The following TTC21B variants were observed in gnomAD, a reference collection of about 807,000 sequenced individuals.
TTC21B encodes the protein tetratricopeptide repeat domain 21B.
TTC21B carries 127 observed loss-of-function variants against 175.1 expected under a neutral mutation model. The ratio of observed to expected loss-of-function variants is 0.73; its 90% confidence interval spans 0.63 to 0.84. The LOEUF (loss-of-function observed/expected upper bound fraction) is 0.84, where lower values mean the gene tolerates loss of function less well. Among genes scored for constraint, TTC21B ranks in the 40% least tolerant of loss-of-function variants. The probability of loss-of-function intolerance (pLI) is 0.00; values close to 1 mark genes in which losing one functional copy is unlikely to be tolerated. For missense variants in TTC21B, 1,561 were observed against 1,558.3 expected, an observed-to-expected ratio of 1.00 and a Z score of -0.03; for synonymous variants, 524 against 524.5, an observed-to-expected ratio of 1.00 and a Z score of 0.01.
At chr2:165,946,763 A>G (rs933292057) in intron 3 of TTC21B, among the ~76,000 whole-genome samples, 1 of 151,894 alleles carries the variant, frequency 6.6e-6, no homozygotes, top group African/African-American at 2.4e-5. Flanking sequence ...GCTTGAACCC[A>G]GGAGGCAGAG....
chr2:165,928,518 C>T (rs35476054), intron 11 of TTC21B, among the ~76,000 whole-genome samples: 25,109 of 151,950 alleles, frequency 0.17, 2,559 homozygotes, highest in Non-Finnish European at 0.22. Flanking sequence ...GATTCACACA[C>T]AGAATTCTCA....
intron 12 of TTC21B, among the ~76,000 whole-genome samples, chr2:165,921,067 A>G (rs1268332663): frequency 6.6e-6 from 1 of 152,056 alleles, no homozygotes; most frequent in Non-Finnish European, 1.5e-5. Flanking sequence ...TTCATTATGG[A>G]CCCTGATAGT....
chr2:165,922,657 CTT>C (rs1686458871), intron 12 of TTC21B, among the ~76,000 whole-genome samples: 1 of 150,550 alleles, frequency 6.6e-6, no homozygotes, highest in African/African-American at 2.4e-5. Context: ...AGTACAACCT[CTT>C]TGGAAAATAG....
chr2:165,932,500 G>C (rs75282580), intron 7 of TTC21B, among the ~76,000 whole-genome samples: 1 of 152,092 alleles, frequency 6.6e-6, no homozygotes, highest in Admixed American at 6.6e-5. Flanking sequence ...TACAGTCAAT[G>C]TGTTCACTAC....
chr2:165,874,016 A>C lies in TTC21B; in HGVS notation c.*739T>G, dbSNP rs1462405044. 1 of 152,036 alleles carries C rather than the reference A, an allele frequency of 6.6e-6. No homozygotes were observed. The highest frequency in any genetic ancestry group is 1.5e-5 in the Non-Finnish European group (1 of 68,022). 9.4% of individuals were successfully genotyped at this position (152,036 alleles called of 1,614,324 possible). A position where few individuals can be genotyped will look rare whatever the true frequency, so the allele number is the denominator to read the frequency against. On this transcript the variant is annotated 3_prime_UTR_variant, in exon 29 of 29. Coordinates refer to ENST00000243344, the MANE Select transcript of TTC21B (RefSeq NM_024753.5). The stretch of plus-strand genomic sequence containing the variant: ...ATTGTCTTTTTCATGAGTTATTTAC[A>C]GGGAGATTTATTCCAATTTTTGAAA...
At chr2:165,885,383 ACTTC>A (rs1199717058) in intron 25 of TTC21B, among the ~76,000 whole-genome samples, 1 of 151,808 alleles carries the variant, frequency 6.6e-6, no homozygotes, top group Non-Finnish European at 1.5e-5. Flanking sequence ...AAATATAAAA[ACTTC>A]CTTGCCTCAA....
rs367573795 is a variant in TTC21B at position 165,924,702 on chromosome 2, C to G, written c.1387-24G>C. 3 of 1,608,602 alleles carry G rather than the reference C, an allele frequency of 1.9e-6. No homozygotes were observed. The African/African-American group carries it at 4.0e-5, about 22-fold the overall frequency. On this transcript the variant is annotated intron_variant, in intron 11 of 28. Coordinates refer to ENST00000243344, the MANE Select transcript of TTC21B (RefSeq NM_024753.5). ...GGCTAAACAAAACAAATCAGCAGAT[C>G]ATTTTATAAGTGTAAAAATAATATT...
intron 5 of TTC21B, among the ~76,000 whole-genome samples, chr2:165,942,831 C>A (rs1687418603): frequency 6.6e-6 from 1 of 152,146 alleles, no homozygotes; most frequent in African/African-American, 2.4e-5. Flanking sequence ...ATATAACTTA[C>A]TTATTTTGTT....
rs778152908 is a variant in TTC21B, at chr2:165,953,678, C to CGCTCACCA, written c.21+6_21+7insTGGTGAGC. The CGCTCACCA allele has an allele frequency of 2.6e-6, 4 of 1,548,592 alleles. No individual in the cohort carries two copies. The highest frequency in any genetic ancestry group is 3.9e-5 in the Admixed American group (2 of 50,972). ...CCGCTCACCCGCTCACCCGCTCACCCGCTCACCTTCAATTCCTGCGAGTCC... is the reference window on the plus strand; with the variant it reads ...CCGCTCACCCGCTCACCCGCTCACCCGCTCACCAGCTCACCTTCAATTCCTGCGAGTCC... On this transcript the variant is annotated splice_region_variant and intron_variant, in intron 1 of 28. Coordinates refer to ENST00000243344, the MANE Select transcript of TTC21B (RefSeq NM_024753.5).
chr2:165,946,238 C>G (rs1041346435), intron 3 of TTC21B, among the ~76,000 whole-genome samples: 6 of 151,294 alleles, frequency 4.0e-5, no homozygotes, highest in Non-Finnish European at 8.8e-5. Flanking sequence ...GCTGGGGAGG[C>G]TGAGGCAGGA....
intron 17 of TTC21B, 72 bp from the exon 18 acceptor site, chr2:165,911,537 T>C: frequency 3.2e-6 from 5 of 1,562,946 alleles, no homozygotes; most frequent in Non-Finnish European, 4.4e-6. Context: ...ATTTAATACA[T>C]TACAGACTTA....
intron 22 of TTC21B, among the ~76,000 whole-genome samples, chr2:165,894,663 C>A (rs1404680526): frequency 7.9e-5 from 12 of 152,126 alleles, no homozygotes; most frequent in Admixed American, 7.9e-4. Flanking sequence ...CAACCTCCAC[C>A]TCCCAGGTTC....
intron 7 of TTC21B, among the ~76,000 whole-genome samples, 153 bp from the exon 8 acceptor site, chr2:165,932,009 T>C (rs187212913): frequency 6.6e-6 from 1 of 152,198 alleles, no homozygotes; most frequent in African/African-American, 2.4e-5. Context: ...GATTATATGT[T>C]ATAAAACATA....
chr2:165,876,519 A>C lies in TTC21B; in HGVS notation c.3806-287T>G, dbSNP rs59508470. Among the ~76,000 whole-genome samples the C allele has an allele frequency of 3.9e-3, 593 of 152,334 alleles. 2 individuals are homozygous for C. The highest frequency in any genetic ancestry group is 0.014 in the African/African-American group (572 of 41,588). On this transcript the variant is annotated intron_variant, in intron 27 of 28. Coordinates refer to ENST00000243344, the MANE Select transcript of TTC21B (RefSeq NM_024753.5). ...GTGTGGTTTCTATAACTTACTAGAA[A>C]AGTCTCATTTATTTCAGGTTATAGT...
chr2:165,942,738 G>A (rs754551694), intron 5 of TTC21B, among the ~76,000 whole-genome samples: 21 of 152,080 alleles, frequency 1.4e-4, no homozygotes, highest in South Asian at 2.1e-4. Context: ...CACTTTCTCC[G>A]ACCACTTCAT....
At chr2:165,930,400 T>G in intron 8 of TTC21B, 36 bp from the exon 9 acceptor site, 1 of 1,449,042 alleles carries the variant, frequency 6.9e-7, no homozygotes, top group East Asian at 2.3e-5. Context: ...GATTTCAAAG[T>G]CTAACATTTC....
chr2:165,929,860 C>A, intron 9 of TTC21B, 113 bp from the exon 10 acceptor site: 1 of 768,344 alleles, frequency 1.3e-6, no homozygotes, highest in South Asian at 1.5e-5. Flanking sequence ...CAATACTTAA[C>A]GTTTTAGATT....
chr2:165,919,178 T>C, intron 13 of TTC21B, 98 bp downstream of exon 13: 1 of 1,438,942 alleles, frequency 6.9e-7, no homozygotes, highest in East Asian at 2.3e-5. Context: ...AAAATGCAAC[T>C]GTTAGCAAAA....
chr2:165,876,154 T>TA lies in TTC21B; in HGVS notation c.3873+10dup, dbSNP rs1364090168. 1 of 1,552,638 alleles carries TA rather than the reference T, an allele frequency of 6.4e-7. No homozygotes were observed. Among genetic ancestry groups the TA allele is most frequent in the South Asian group, 1.1e-5 (1 of 89,750 alleles). ...TGAAAAATTTTAAGAAATCTAAATT[T>TA]AAGTGTTTACCTGGTGACATATGTC... On this transcript the variant is annotated intron_variant, in intron 28 of 28. Coordinates refer to ENST00000243344, the MANE Select transcript of TTC21B (RefSeq NM_024753.5).
Sources: gnomAD v4.1 joint callset for allele counts (sites outside exome capture counted in the v4.1 genomes callset) on GRCh38, gnomAD v4.1.1 for gene constraint, MANE v1.5 for transcripts, NCBI Gene and HGNC (gene_info 2026-07-23, HGNC 2026-07-21) for gene names.